The following SPAG16 variants were observed in gnomAD, a reference collection of about 807,000 sequenced individuals.
SPAG16 encodes the protein sperm-associated antigen 16 protein.
Under a neutral mutation model 80.4 loss-of-function variants are expected in SPAG16, and 86 were observed. The ratio of observed to expected loss-of-function variants is 1.07; its 90% CI spans 0.90 to 1.28. SPAG16 has a LOEUF of 1.28. Ranked by LOEUF, SPAG16 falls within the 50% of genes most tolerant of loss-of-function variation. The probability of loss-of-function intolerance (pLI) is 0.00; values close to 1 mark genes in which losing one functional copy is unlikely to be tolerated. For missense variants in SPAG16, 870 were observed against 765.3 expected (o/e 1.14, Z -1.61); for synonymous variants, 294 against 265.9 (o/e 1.11, Z -1.03).
intron 12 of SPAG16, among the ~76,000 whole-genome samples, chr2:213,936,787 T>C (rs1412289473): frequency 6.6e-6 from 1 of 152,182 alleles, no homozygotes; most frequent in Non-Finnish European, 1.5e-5. Flanking sequence ...GAATGAGGAA[T>C]GCCTTCTCAT....
intron 10 of SPAG16, among the ~76,000 whole-genome samples, chr2:213,516,856 GAA>G (rs763699974): frequency 3.9e-5 from 6 of 151,982 alleles, no homozygotes; most frequent in Non-Finnish European, 5.9e-5. Context: ...GGAAAAAATA[GAA>G]AAAAGTTTCA....
intron 12 of SPAG16, among the ~76,000 whole-genome samples, chr2:213,964,517 C>CT (rs938152975): frequency 9.2e-5 from 14 of 151,974 alleles, no homozygotes; most frequent in South Asian, 8.3e-4. Flanking sequence ...AAAAATTCTT[C>CT]TTTTTTTTCT....
At chr2:213,993,209 T>C (rs762090295) in intron 12 of SPAG16, among the ~76,000 whole-genome samples, 2 of 152,094 alleles carry the variant, frequency 1.3e-5, no homozygotes, top group African/African-American at 2.4e-5. Context: ...ATAGAGAAGG[T>C]ATATTTGTTT....
chr2:213,786,290 C>A (rs902259992), intron 10 of SPAG16, among the ~76,000 whole-genome samples: 14 of 152,146 alleles, frequency 9.2e-5, no homozygotes, highest in African/African-American at 3.4e-4. Context: ...GAATTATATG[C>A]TGTTTGCTCT....
intron 13 of SPAG16, among the ~76,000 whole-genome samples, chr2:214,080,030 A>G (rs1383301842): frequency 6.6e-6 from 1 of 152,172 alleles, no homozygotes; most frequent in African/African-American, 2.4e-5. Flanking sequence ...CTCTGTTAAG[A>G]CAAACCTAAC....
intron 13 of SPAG16, among the ~76,000 whole-genome samples, chr2:214,026,553 A>G (rs2048141449): frequency 6.6e-6 from 1 of 151,566 alleles, no homozygotes; most frequent in Non-Finnish European, 1.5e-5. Context: ...ACATTTCTTT[A>G]TAAACTAATA....
chr2:214,119,544 A>G (rs2054110503), intron 14 of SPAG16, among the ~76,000 whole-genome samples: 1 of 152,070 alleles, frequency 6.6e-6, no homozygotes, highest in Non-Finnish European at 1.5e-5. Context: ...AAGTTGACCT[A>G]AGTCTTACTA....
chr2:213,560,697 A>T (rs535112460), intron 10 of SPAG16, among the ~76,000 whole-genome samples: 1 of 152,160 alleles, frequency 6.6e-6, no homozygotes, highest in Non-Finnish European at 1.5e-5. Context: ...TTTCTCCACA[A>T]TGTGAGTTAA....
intron 10 of SPAG16, among the ~76,000 whole-genome samples, chr2:213,766,860 CTTCCT>C (rs995316869): frequency 6.6e-6 from 1 of 152,216 alleles, no homozygotes; most frequent in African/African-American, 2.4e-5. Flanking sequence ...TGGCCTGCAG[CTTCCT>C]TTCAACACTG....
chr2:214,213,898 T>C (rs1427490118), intron 15 of SPAG16, among the ~76,000 whole-genome samples: 1 of 152,180 alleles, frequency 6.6e-6, no homozygotes, highest in Non-Finnish European at 1.5e-5. Context: ...CCATTAGAAG[T>C]AAAATTGTAG....
intron 9 of SPAG16, among the ~76,000 whole-genome samples, chr2:213,435,890 A>G (rs17751271): frequency 0.023 from 3,571 of 152,246 alleles, 59 homozygotes; most frequent in African/African-American, 0.038. Context: ...ACTACTTGCT[A>G]TCTATATAAT....
chr2:214,006,531 AAG>A (rs2124913783), intron 12 of SPAG16, among the ~76,000 whole-genome samples: 1 of 152,358 alleles, frequency 6.6e-6, no homozygotes, highest in East Asian at 1.9e-4. Flanking sequence ...AAGGAAAACC[AAG>A]ACGTAAGTTA....
At chr2:213,954,708 A>G (rs1387640459) in intron 12 of SPAG16, among the ~76,000 whole-genome samples, 1 of 152,148 alleles carries the variant, frequency 6.6e-6, no homozygotes, top group East Asian at 1.9e-4. Context: ...CAGTGACTGT[A>G]GGTTAATGTT....
intron 10 of SPAG16, among the ~76,000 whole-genome samples, chr2:213,724,155 A>G (rs1269510998): frequency 6.6e-6 from 1 of 152,220 alleles, no homozygotes; most frequent in African/African-American, 2.4e-5. Context: ...GAAATAGTAT[A>G]AGGAAAATAT....
At chr2:213,850,759 G>A (rs756916925) in intron 10 of SPAG16, among the ~76,000 whole-genome samples, 43 of 152,026 alleles carry the variant, frequency 2.8e-4, no homozygotes, top group African/African-American at 8.9e-4. Context: ...AATGTGTGTC[G>A]ATGAGGTTTG....
chr2:213,608,973 G>A (rs2061357206), intron 10 of SPAG16, among the ~76,000 whole-genome samples: 1 of 152,144 alleles, frequency 6.6e-6, no homozygotes, highest in Admixed American at 6.5e-5. Flanking sequence ...GTGAGCCATC[G>A]CACCCAGCTG....
chr2:213,600,698 G>A (rs888765959), intron 10 of SPAG16, among the ~76,000 whole-genome samples: 1 of 152,138 alleles, frequency 6.6e-6, no homozygotes, highest in Non-Finnish European at 1.5e-5. Context: ...AAATTTGGCC[G>A]TACTTAGTGA....
At chr2:214,255,158 G>C (rs1419035065) in intron 15 of SPAG16, among the ~76,000 whole-genome samples, 1 of 152,012 alleles carries the variant, frequency 6.6e-6, no homozygotes, top group Non-Finnish European at 1.5e-5. Context: ...TCAATCATCA[G>C]TGAATCCATT....
At chr2:213,587,937 C>A (rs2060527616) in intron 10 of SPAG16, among the ~76,000 whole-genome samples, 1 of 152,036 alleles carries the variant, frequency 6.6e-6, no homozygotes, top group East Asian at 1.9e-4. Context: ...TCATATGCCC[C>A]TTAGAAATCT....
Sources: gnomAD v4.1 joint callset for allele counts (sites outside exome capture counted in the v4.1 genomes callset) on GRCh38, gnomAD v4.1.1 for gene constraint, MANE v1.5 for transcripts, NCBI Gene and HGNC (gene_info 2026-07-23, HGNC 2026-07-21) for gene names.